Variants in GALNT17 observed in about 807,000 individuals in gnomAD.
GALNT17 encodes the protein UDP-GalNAc:polypeptide N-acetylgalactosaminyltransferase-like 3.
A neutral mutation model predicts 63.7 loss-of-function variants in GALNT17; 29 were observed. The ratio of observed to expected loss-of-function variants is 0.46; its 90% CI spans 0.34 to 0.62. The LOEUF is 0.62. Ranked by LOEUF, GALNT17 falls within the 20% of genes least tolerant of loss-of-function variation. The pLI is 0.01. For missense variants in GALNT17, 603 were observed against 799.6 expected, an observed-to-expected ratio of 0.75 and a Z score of 2.97; for synonymous variants, 305 against 318.3, an observed-to-expected ratio of 0.96 and a Z score of 0.45.
At chr7:71,135,879 T>C (rs946677138) in intron 1 of GALNT17, among the ~76,000 whole-genome samples, 2 of 152,134 alleles carry the variant, frequency 1.3e-5, no homozygotes, top group African/African-American at 4.8e-5. Flanking sequence ...AGTCAGGTGC[T>C]GTGGGGTGGG....
At chr7:71,168,946 G>C (rs1788496216) in intron 1 of GALNT17, among the ~76,000 whole-genome samples, 1 of 152,140 alleles carries the variant, frequency 6.6e-6, no homozygotes, top group Admixed American at 6.5e-5. Context: ...TAGAATGACT[G>C]TGTCTGTGTG....
intron 1 of GALNT17, among the ~76,000 whole-genome samples, chr7:71,201,724 C>T (rs1473710259): frequency 4.6e-5 from 7 of 151,896 alleles, no homozygotes; most frequent in South Asian, 2.1e-4. Flanking sequence ...CTCCGCCTCC[C>T]GGGTTCAAGC....
chr7:71,352,791 G>C (rs1171817819), intron 2 of GALNT17, among the ~76,000 whole-genome samples: 1 of 152,140 alleles, frequency 6.6e-6, no homozygotes, highest in Non-Finnish European at 1.5e-5. Context: ...AAAGGATGTG[G>C]AGAAGGAACA....
intron 5 of GALNT17, among the ~76,000 whole-genome samples, chr7:71,489,704 G>A (rs975711975): frequency 4.6e-5 from 7 of 152,186 alleles, no homozygotes; most frequent in African/African-American, 1.7e-4. Context: ...CATTGGCGGC[G>A]GGCTGGGCAG....
chr7:71,370,388 T>C (rs1792599165), intron 2 of GALNT17, among the ~76,000 whole-genome samples: 1 of 152,170 alleles, frequency 6.6e-6, no homozygotes, highest in Non-Finnish European at 1.5e-5. Flanking sequence ...AGCCTTGAAC[T>C]CCTGGGCTCA....
chr7:71,261,444 A>T (rs1790384153), intron 1 of GALNT17, among the ~76,000 whole-genome samples: 1 of 152,212 alleles, frequency 6.6e-6, no homozygotes, highest in East Asian at 1.9e-4. Context: ...CAGTCAGCCT[A>T]GCACTCAGCT....
At chr7:71,686,912 C>T (rs181037052) in intron 9 of GALNT17, among the ~76,000 whole-genome samples, 9 of 152,078 alleles carry the variant, frequency 5.9e-5, no homozygotes, top group Non-Finnish European at 7.4e-5. Flanking sequence ...GAGATTTCGA[C>T]GGGCACTCTT....
chr7:71,191,304 T>C (rs760858187), intron 1 of GALNT17, among the ~76,000 whole-genome samples: 2 of 152,144 alleles, frequency 1.3e-5, no homozygotes, highest in Non-Finnish European at 2.9e-5. Context: ...AATGAAATCA[T>C]GCATATATAT....
Position 71,669,885 on chromosome 7 carries a change from G to A in GALNT17, c.1267-87G>A. On this transcript the variant is annotated intron_variant, in intron 7 of 10. Coordinates refer to ENST00000333538, the MANE Select transcript of GALNT17 (RefSeq NM_022479.3). ...CCAGGCTTAAGATCTTCTATGTGAAGGTTTCCCTGAAAGTGACTCCACCTG... is the reference window on the plus strand; with the variant it reads ...CCAGGCTTAAGATCTTCTATGTGAAAGTTTCCCTGAAAGTGACTCCACCTG... The A allele has an allele frequency of 9.1e-6, 14 of 1,534,032 alleles. No homozygotes were observed. The South Asian group carries it at 1.5e-4, about 16-fold the overall frequency.
At chr7:71,584,630 T>C (rs996179150) in intron 6 of GALNT17, among the ~76,000 whole-genome samples, 1 of 152,222 alleles carries the variant, frequency 6.6e-6, no homozygotes, top group African/African-American at 2.4e-5. Context: ...AACTCAGTTA[T>C]ATTTTCTCAA....
intron 8 of GALNT17, among the ~76,000 whole-genome samples, chr7:71,676,486 C>T (rs1358169844): frequency 6.6e-6 from 1 of 151,786 alleles, no homozygotes; most frequent in Non-Finnish European, 1.5e-5. Flanking sequence ...TGGGCTCAAG[C>T]GATCCTCCCG....
intron 6 of GALNT17, among the ~76,000 whole-genome samples, chr7:71,643,114 G>A (rs111833367): frequency 6.6e-6 from 1 of 152,188 alleles, no homozygotes; most frequent in African/African-American, 2.4e-5. Context: ...GTGGTCTCTG[G>A]AGAAACCCCA....
At position 71,613,435 on chromosome 7, in the gene GALNT17, C is replaced by T. The variant is rs555351633; in HGVS notation, c.1080+42033C>T. Among the ~76,000 whole-genome samples the T allele has an allele frequency of 6.6e-5, 10 of 152,208 alleles. No individual in the cohort carries two copies. The South Asian group carries it at 1.2e-3, about 19-fold the overall frequency. On this transcript the variant is annotated intron_variant, in intron 6 of 10. Transcript: ENST00000333538. Reference sequence around the variant, plus strand: ...GCAATCACATTAAGGAAATCAAAGGCGAGAATGTCAAAAGGTCAGCATTAA... The same window carrying T: ...GCAATCACATTAAGGAAATCAAAGGTGAGAATGTCAAAAGGTCAGCATTAA...
At chr7:71,386,565 G>A (rs755518230) in intron 2 of GALNT17, among the ~76,000 whole-genome samples, 20 of 152,170 alleles carry the variant, frequency 1.3e-4, no homozygotes, top group Non-Finnish European at 2.6e-4. Context: ...ACTGAGAGAA[G>A]CAGAGCACGT....
intron 6 of GALNT17, among the ~76,000 whole-genome samples, chr7:71,604,535 G>T (rs1790018084): frequency 6.6e-6 from 1 of 152,180 alleles, no homozygotes; most frequent in African/African-American, 2.4e-5. Flanking sequence ...CATTTCACAG[G>T]CAAGGAAGCT....
chr7:71,362,450 C>A (rs1430582919), intron 2 of GALNT17, among the ~76,000 whole-genome samples: 1 of 151,960 alleles, frequency 6.6e-6, no homozygotes, highest in Non-Finnish European at 1.5e-5. Flanking sequence ...AAACAAAATT[C>A]TCCTAAATGG....
At chr7:71,632,993 A>G (rs1230141937) in intron 6 of GALNT17, among the ~76,000 whole-genome samples, 1 of 151,002 alleles carries the variant, frequency 6.6e-6, no homozygotes, top group Non-Finnish European at 1.5e-5. Flanking sequence ...AATCCCAGCT[A>G]CTTGGGAAGC....
intron 5 of GALNT17, among the ~76,000 whole-genome samples, chr7:71,490,848 T>A (rs1351805548): frequency 6.6e-6 from 1 of 151,802 alleles, no homozygotes; most frequent in Non-Finnish European, 1.5e-5. Flanking sequence ...AGCAGTGAGC[T>A]ATGATCGCAC....
intron 9 of GALNT17, among the ~76,000 whole-genome samples, chr7:71,696,707 T>G (rs1343891128): frequency 6.6e-6 from 1 of 152,194 alleles, no homozygotes; most frequent in Non-Finnish European, 1.5e-5. Context: ...GAGAATTAAT[T>G]GTATTTGAGC....
Sources: gnomAD v4.1 joint callset for allele counts (sites outside exome capture counted in the v4.1 genomes callset) on GRCh38, gnomAD v4.1.1 for gene constraint, MANE v1.5 for transcripts, NCBI Gene and HGNC (gene_info 2026-07-23, HGNC 2026-07-21) for gene names.